RASAL2: variants seen among roughly 807,000 people sequenced by gnomAD.
RASAL2 encodes the protein ras GTPase-activating protein nGAP.
In RASAL2, 58 loss-of-function variants were observed where a neutral mutation model predicts 128.9. The ratio of observed to expected loss-of-function variants is 0.45; its 90% CI spans 0.36 to 0.56. The LOEUF is 0.56. Among genes scored for constraint, RASAL2 ranks in the 20% least tolerant of loss-of-function variants. The pLI is 0.00. For synonymous variants in RASAL2, 561 were observed against 580.8 expected, an observed-to-expected ratio of 0.97 and a Z score of 0.49; for missense variants, 1,360 against 1,601.6, an observed-to-expected ratio of 0.85 and a Z score of 2.57.
intron 3 of RASAL2, among the ~76,000 whole-genome samples, chr1:178,364,377 A>G (rs1410054837): frequency 6.6e-6 from 1 of 152,216 alleles, no homozygotes; most frequent in African/African-American, 2.4e-5. Context: ...AATACTGGCT[A>G]TATGACTTCA....
At chr1:178,470,690 C>T in intron 17 of RASAL2, 2 of 1,365,598 alleles carry the variant, frequency 1.5e-6, no homozygotes, top group Non-Finnish European at 2.0e-6. Context: ...TGTTAAATTA[C>T]AGGTCATAAA....
intron 3 of RASAL2, among the ~76,000 whole-genome samples, chr1:178,378,185 A>G (rs2102549518): frequency 6.6e-6 from 1 of 152,082 alleles, no homozygotes; most frequent in Admixed American, 6.5e-5. Flanking sequence ...ACAGGGACCT[A>G]GGAAAGTTAA....
intron 1 of RASAL2, among the ~76,000 whole-genome samples, chr1:178,229,418 A>G (rs1224395376): frequency 6.6e-6 from 1 of 151,666 alleles, no homozygotes; most frequent in Non-Finnish European, 1.5e-5. Context: ...CAATTCCATG[A>G]TCTTTCTTTG....
chr1:178,291,030 A>G (rs1049807035), intron 2 of RASAL2, among the ~76,000 whole-genome samples: 13 of 152,186 alleles, frequency 8.5e-5, no homozygotes, highest in Admixed American at 5.2e-4. Flanking sequence ...GATATGGCCT[A>G]GGATGGATTA....
In RASAL2 at chr1:178,275,889, G is replaced by A. The variant is rs530549040; in HGVS notation, c.203-7675G>A. Among the ~76,000 whole-genome samples, 10 of 152,320 alleles carry A rather than the reference G, an allele frequency of 6.6e-5. No homozygotes were observed. In the East Asian group the frequency reaches 1.9e-3, roughly 29 times the overall value. ...CAAGTAGGTCGGAAATTAAGCCTTTGTAGTTGACAAGGAAACTAAAGTGGT... is the reference window on the plus strand; with the variant it reads ...CAAGTAGGTCGGAAATTAAGCCTTTATAGTTGACAAGGAAACTAAAGTGGT... On this transcript the variant is annotated intron_variant, in intron 1 of 17. Transcript: ENST00000367649.
intron 4 of RASAL2, among the ~76,000 whole-genome samples, chr1:178,417,758 T>TAAA (rs35109719): frequency 1.9e-4 from 13 of 67,832 alleles, no homozygotes; most frequent in African/African-American, 5.7e-4. Context: ...AAACTCCGTC[T>TAAA]AAAAAAAAAA....
At chr1:178,101,750 G>A (rs1658908537) in intron 1 of RASAL2, among the ~76,000 whole-genome samples, 1 of 152,180 alleles carries the variant, frequency 6.6e-6, no homozygotes, top group Non-Finnish European at 1.5e-5. Context: ...AGTTTGTCAG[G>A]ATTGGAACTC....
intron 3 of RASAL2, among the ~76,000 whole-genome samples, chr1:178,368,505 A>C (rs1232520286): frequency 6.6e-6 from 1 of 152,232 alleles, no homozygotes; most frequent in African/African-American, 2.4e-5. Context: ...GACACTTTCT[A>C]TATTTTTAAG....
chr1:178,299,902 C>T (rs530711486), intron 2 of RASAL2, 90 bp from the exon 3 acceptor site: 1 of 1,362,068 alleles, frequency 7.3e-7, no homozygotes, highest in East Asian at 2.3e-5. Flanking sequence ...TTACACACTC[C>T]TGTCTTCTTT....
rs199548590 is a variant in RASAL2, at chr1:178,332,855, G to A, written c.457+32737G>A. ...CTGACCTCGTGATCTGCCTGCCTCAGCCTCCCAAAGTGCTGGGATTACAGG... is the reference window on the plus strand; with the variant it reads ...CTGACCTCGTGATCTGCCTGCCTCAACCTCCCAAAGTGCTGGGATTACAGG... On this transcript the variant is annotated intron_variant, in intron 3 of 17. Coordinates refer to ENST00000367649, the MANE Select transcript of RASAL2 (RefSeq NM_170692.4). Among the ~76,000 whole-genome samples, 39 of 152,024 alleles carry A rather than the reference G, an allele frequency of 2.6e-4. No individual in the cohort carries two copies. The East Asian group carries it at 6.9e-3, about 27-fold the overall frequency.
intron 1 of RASAL2, among the ~76,000 whole-genome samples, chr1:178,276,803 CA>C (rs1319619464): frequency 1.3e-5 from 2 of 152,040 alleles, no homozygotes; most frequent in African/African-American, 2.4e-5. Flanking sequence ...ATCTGCATGT[CA>C]GGGGCAAGGA....
At position 178,435,251 on chromosome 1, in the gene RASAL2, A is replaced by G. The variant is rs542273515; in HGVS notation, c.675-4171A>G. Reference sequence around the variant, plus strand: ...AACTTAATCTGTAAACATGTAGCAGATTGAGCTAGCACCACCAAGCCTCAT... The same window carrying G: ...AACTTAATCTGTAAACATGTAGCAGGTTGAGCTAGCACCACCAAGCCTCAT... On this transcript the variant is annotated intron_variant, in intron 5 of 17. Transcript: ENST00000367649. Among the ~76,000 whole-genome samples the G allele has an allele frequency of 2.8e-4, 43 of 152,132 alleles. 1 individual carries two copies. Among genetic ancestry groups the G allele is most frequent in the Non-Finnish European group, 1.3e-4 (9 of 68,016 alleles).
At chr1:178,097,054 G>A (rs763959405) in intron 1 of RASAL2, among the ~76,000 whole-genome samples, 35 of 152,156 alleles carry the variant, frequency 2.3e-4, no homozygotes, top group Non-Finnish European at 4.6e-4. Context: ...CAAAACCTTC[G>A]TTGTCTTGGA....
chr1:178,276,652 C>T lies in RASAL2; in HGVS notation c.203-6912C>T, dbSNP rs549284446. Among the ~76,000 whole-genome samples, 5 of 151,878 alleles carry T rather than the reference C, an allele frequency of 3.3e-5. No homozygotes were observed. The South Asian group carries it at 6.3e-4, about 19-fold the overall frequency. ...TTAGCCTCCCAAACTGCTGGGGTTA[C>T]AGGCATGAGCCACTGTGCCCAGCCT... is the stretch of plus-strand genomic sequence containing the variant. On this transcript the variant is annotated intron_variant, in intron 1 of 17. Transcript: ENST00000367649.
intron 1 of RASAL2, among the ~76,000 whole-genome samples, chr1:178,235,364 T>A (rs7551540): frequency 0.074 from 11,246 of 152,276 alleles, 474 homozygotes; most frequent in Middle Eastern, 0.099. Context: ...TTTGACTGTC[T>A]ACAATGTGTG....
intron 1 of RASAL2, among the ~76,000 whole-genome samples, chr1:178,127,001 A>G (rs1218693480): frequency 6.6e-6 from 1 of 152,170 alleles, no homozygotes; most frequent in Non-Finnish European, 1.5e-5. Context: ...TTTCTTTCTG[A>G]AATACTTAAG....
chr1:178,319,289 G>C (rs1322862302), intron 3 of RASAL2, among the ~76,000 whole-genome samples: 1 of 151,814 alleles, frequency 6.6e-6, no homozygotes, highest in African/African-American at 2.4e-5. Flanking sequence ...TGCTCTTCTC[G>C]AGGAGTATCT....
chr1:178,391,718 A>G (rs912179530), intron 4 of RASAL2, among the ~76,000 whole-genome samples: 1 of 152,182 alleles, frequency 6.6e-6, no homozygotes, highest in African/African-American at 2.4e-5. Flanking sequence ...TGTTTATGCA[A>G]TATCTGAATT....
At chr1:178,448,359 A>C (rs1240748835) in intron 9 of RASAL2, among the ~76,000 whole-genome samples, 1 of 152,206 alleles carries the variant, frequency 6.6e-6, no homozygotes, top group Non-Finnish European at 1.5e-5. Flanking sequence ...TCAGGAGGAA[A>C]GGAGGCAGGC....
Sources: allele counts gnomAD v4.1 joint callset (sites outside exome capture counted in the v4.1 genomes callset), GRCh38; gene constraint gnomAD v4.1.1; transcripts MANE v1.5; gene names NCBI Gene and HGNC (gene_info 2026-07-23, HGNC 2026-07-21).